TBXAS1: variants seen among roughly 807,000 people sequenced by gnomAD.
TBXAS1 encodes the protein thromboxane A synthase 1, also known as thromboxane-A synthase.
In TBXAS1, 48 loss-of-function variants were observed where a neutral mutation model predicts 60.7. The ratio of observed to expected loss-of-function variants is 0.79; its 90% confidence interval spans 0.63 to 1.01. The LOEUF is 1.01. Ranked by LOEUF, TBXAS1 falls within the 50% of genes least tolerant of loss-of-function variation. The pLI is 0.00. For synonymous variants in TBXAS1, 287 were observed against 269.7 expected (o/e 1.06, Z -0.63); for missense variants, 685 against 686.3 (o/e 1.00, Z 0.02).
chr7:139,881,432 T>C (rs369873909), intron 3 of TBXAS1, among the ~76,000 whole-genome samples: 14 of 152,164 alleles, frequency 9.2e-5, no homozygotes, highest in African/African-American at 3.4e-4. Context: ...ATTTGGAAGA[T>C]GGAGTTAGGG....
chr7:139,923,371 G>A (rs4726457), intron 4 of TBXAS1, among the ~76,000 whole-genome samples: 84,811 of 151,650 alleles, frequency 0.56, 26,328 homozygotes, highest in East Asian at 0.69. Context: ...GAGAGATGGC[G>A]GTATAAATTC....
chr7:139,800,843 A>G (rs1797705046), intron 4 of TBXAS1, among the ~76,000 whole-genome samples: 1 of 152,138 alleles, frequency 6.6e-6, no homozygotes, highest in Non-Finnish European at 1.5e-5. Flanking sequence ...CCTATCAGTT[A>G]TCAATTGCTT....
At chr7:139,955,745 T>C in intron 7 of TBXAS1, 138 bp downstream of exon 7, 1 of 1,299,560 alleles carries the variant, frequency 7.7e-7, no homozygotes, top group East Asian at 2.4e-5. Context: ...AGAGGCTTTG[T>C]CTTATGGAGC....
Position 139,979,761 on chromosome 7 carries a change from AAT to A in TBXAS1, c.1134+17530_1134+17531del, listed in dbSNP as rs370933300. Among the ~76,000 whole-genome samples, 54 of 141,502 alleles carry A rather than the reference AAT, an allele frequency of 3.8e-4. 1 individual carries two copies. Among genetic ancestry groups the A allele is most frequent in the South Asian group, 3.5e-3 (16 of 4,552 alleles). The allele number at this position is 141,502 out of a possible 152,430, so 92.8% of individuals were successfully genotyped here. ...TAATAATAATAATAATAATAATAAT[AAT>A]AATAAATAAATAGCAAAAGAAAGAA... On this transcript the variant is annotated intron_variant, in intron 9 of 12. Coordinates refer to ENST00000448866, the MANE Select transcript of TBXAS1 (RefSeq NM_001061.7).
intron 5 of TBXAS1, among the ~76,000 whole-genome samples, chr7:139,937,261 TG>T (rs1232625897): frequency 6.6e-6 from 1 of 152,200 alleles, no homozygotes; most frequent in Non-Finnish European, 1.5e-5. Flanking sequence ...TTCCAAAGCT[TG>T]GCTTGAGTGC....
At chr7:139,877,728 CTTTTTTT>C (rs902893678) in intron 3 of TBXAS1, among the ~76,000 whole-genome samples, 3 of 97,688 alleles carry the variant, frequency 3.1e-5, no homozygotes, top group African/African-American at 1.2e-4. Flanking sequence ...CAGTCTATTG[CTTTTTTT>C]TTTTTTTTTT....
rs73478008 is a variant in TBXAS1 at position 139,810,771 on chromosome 7, C to T, written c.-79-18541C>T. Among the ~76,000 whole-genome samples, 1,458 of 152,280 alleles carry T rather than the reference C, an allele frequency of 9.6e-3. 18 individuals carry two copies. Among genetic ancestry groups the T allele is most frequent in the African/African-American group, 0.032 (1,339 of 41,546 alleles). Reference sequence around the variant, plus strand: ...AGAACAGAATCTTTTTGCTTTCCTACAAGATTCAACAGTTCTATTAAGCAA... The same window carrying T: ...AGAACAGAATCTTTTTGCTTTCCTATAAGATTCAACAGTTCTATTAAGCAA... On this transcript the variant is annotated intron_variant, in intron 4 of 16. Coordinates refer to the TBXAS1 transcript ENST00000336425.
intron 5 of TBXAS1, among the ~76,000 whole-genome samples, chr7:139,949,321 T>C (rs1295086984): frequency 1.3e-5 from 2 of 152,236 alleles, no homozygotes; most frequent in East Asian, 1.9e-4. Context: ...AGTACATATA[T>C]ATATGTAGAT....
intron 5 of TBXAS1, among the ~76,000 whole-genome samples, chr7:139,937,434 T>C (rs763621896): frequency 6.6e-6 from 1 of 152,194 alleles, no homozygotes; most frequent in Non-Finnish European, 1.5e-5. Context: ...AGGAGGGGGT[T>C]CCACACCTCA....
rs144885788 is a variant in TBXAS1 at position 139,926,338 on chromosome 7, A to G, written c.334-9853A>G. Among the ~76,000 whole-genome samples the G allele has an allele frequency of 1.1e-3, 164 of 152,152 alleles. 1 individual carries two copies. Among genetic ancestry groups the G allele is most frequent in the African/African-American group, 3.8e-3 (158 of 41,496 alleles). On this transcript the variant is annotated intron_variant, in intron 4 of 12. Transcript: ENST00000448866. ...GCTTTGATTTCATTACTTGTTATTG[A>G]TCTGTTCAGGCTTTGGATTAGTGAT...
chr7:139,884,257 C>T (rs2299888), intron 3 of TBXAS1, among the ~76,000 whole-genome samples: 65,913 of 152,114 alleles, frequency 0.43, 14,383 homozygotes, highest in South Asian at 0.56. Context: ...CCTTCTTGTT[C>T]TTTAAAATCA....
At chr7:139,797,430 A>T (rs1352801695) in intron 4 of TBXAS1, 1 of 152,206 alleles carries the variant, frequency 6.6e-6, no homozygotes, top group Non-Finnish European at 1.5e-5. Context: ...TTGGCCCTGC[A>T]TTGATCCTCA....
At chr7:139,995,684 T>C (rs538545571) in intron 9 of TBXAS1, among the ~76,000 whole-genome samples, 24 of 152,288 alleles carry the variant, frequency 1.6e-4, no homozygotes, top group South Asian at 4.1e-4. Flanking sequence ...CCTTTGAAAA[T>C]CCTGCCCCAC....
At chr7:139,833,405 G>A (rs956231548) in intron 1 of TBXAS1, among the ~76,000 whole-genome samples, 5 of 151,576 alleles carry the variant, frequency 3.3e-5, no homozygotes, top group Non-Finnish European at 4.4e-5. Flanking sequence ...AAGAGGGGCC[G>A]GGCGTGGTGG....
intron 1 of TBXAS1, among the ~76,000 whole-genome samples, chr7:139,846,275 C>T (rs1268939634): frequency 1.3e-5 from 2 of 152,194 alleles, no homozygotes; most frequent in East Asian, 1.9e-4. Flanking sequence ...ACTCTTTCTG[C>T]CTTTCCACAC....
chr7:139,870,527 T>A (rs1009785109), intron 1 of TBXAS1, among the ~76,000 whole-genome samples: 1 of 152,228 alleles, frequency 6.6e-6, no homozygotes, highest in Non-Finnish European at 1.5e-5. Context: ...ATGGTCCACT[T>A]GAAAGAATAA....
At position 139,865,468 on chromosome 7, in the gene TBXAS1, A is replaced by G. The variant is rs1801281653; in HGVS notation, c.90-6767A>G. Among the ~76,000 whole-genome samples, 3 of 152,096 alleles carry G rather than the reference A, an allele frequency of 2.0e-5. No individual in the cohort carries two copies. In the South Asian group the frequency reaches 6.2e-4, roughly 32 times the overall value. On this transcript the variant is annotated intron_variant, in intron 1 of 12. Transcript: ENST00000448866. ...AGATATGTGCGTGGAGTCAGCTTGC[A>G]GTACCTATCAATGACTGCTCATTTT...
intron 3 of TBXAS1, among the ~76,000 whole-genome samples, chr7:139,886,822 A>G (rs1172567040): frequency 6.6e-6 from 1 of 152,152 alleles, no homozygotes; most frequent in Non-Finnish European, 1.5e-5. Flanking sequence ...CATGGCCACT[A>G]GGTTCTTCCC....
At chr7:139,868,148 T>G (rs533361337) in intron 1 of TBXAS1, among the ~76,000 whole-genome samples, 1 of 152,332 alleles carries the variant, frequency 6.6e-6, no homozygotes, top group African/African-American at 2.4e-5. Context: ...GTGGGAAACA[T>G]TTGCATTAAT....
Sources: gnomAD v4.1 joint callset for allele counts (sites outside exome capture counted in the v4.1 genomes callset) on GRCh38, gnomAD v4.1.1 for gene constraint, MANE v1.5 for transcripts, NCBI Gene and HGNC (gene_info 2026-07-23, HGNC 2026-07-21) for gene names.